The following NINJ2 variants were observed in gnomAD, a reference collection of about 807,000 sequenced individuals.
The protein encoded by NINJ2 is ninjurin-2.
A neutral mutation model predicts 11.7 loss-of-function variants in NINJ2; 12 were observed. The observed-to-expected ratio is 1.02, with a 90% CI of 0.66 to 1.66. The LOEUF is 1.66. NINJ2 is among the 40% of genes most tolerant of loss of function. NINJ2 has a pLI of 0.00. For missense variants in NINJ2, 187 were observed against 181.8 expected, an observed-to-expected ratio of 1.03 and a Z score of -0.16; for synonymous variants, 93 against 76.8, an observed-to-expected ratio of 1.21 and a Z score of -1.10.
intron 1 of NINJ2, among the ~76,000 whole-genome samples, chr12:616,711 C>A (rs768906698): frequency 7.2e-5 from 11 of 152,356 alleles, no homozygotes; most frequent in African/African-American, 2.6e-4. Flanking sequence ...TGAGTGGTGT[C>A]AGGAAACTGC....
At chr12:576,386 A>G (rs972611078) in intron 1 of NINJ2, among the ~76,000 whole-genome samples, 2 of 152,248 alleles carry the variant, frequency 1.3e-5, no homozygotes, top group African/African-American at 2.4e-5. Flanking sequence ...GTTTCTCTCC[A>G]ACAAAAGGGG....
At chr12:565,499 C>T (rs1198363106) in intron 2 of NINJ2, 98 bp from the exon 3 acceptor site, 11 of 1,254,962 alleles carry the variant, frequency 8.8e-6, no homozygotes, top group Non-Finnish European at 1.2e-5. Flanking sequence ...AGGGGCCCTT[C>T]AGAAACCCAT....
chr12:646,525 C>G (rs960096796), intron 1 of NINJ2, among the ~76,000 whole-genome samples: 2 of 152,156 alleles, frequency 1.3e-5, no homozygotes, highest in Non-Finnish European at 2.9e-5. Context: ...CATTAAATTA[C>G]GTAGATCACC....
intron 1 of NINJ2, among the ~76,000 whole-genome samples, chr12:596,734 G>A (rs1304546211): frequency 6.6e-6 from 1 of 151,948 alleles, no homozygotes; most frequent in African/African-American, 2.4e-5. Flanking sequence ...ACCAGCCTGG[G>A]GGACATGGCA....
intron 1 of NINJ2, among the ~76,000 whole-genome samples, chr12:590,412 G>A (rs183567826): frequency 2.6e-5 from 4 of 152,334 alleles, no homozygotes; most frequent in African/African-American, 9.6e-5. Context: ...GAAAGGGAGG[G>A]GTGGAAGACG....
intron 1 of NINJ2, among the ~76,000 whole-genome samples, chr12:662,435 G>A (rs888728823): frequency 7.9e-5 from 11 of 138,978 alleles, no homozygotes; most frequent in African/African-American, 2.1e-4. Flanking sequence ...AGAGAGAGAC[G>A]CGTGCACATA....
At chr12:566,341 C>T (rs565216651) in intron 1 of NINJ2, among the ~76,000 whole-genome samples, 163 bp from the exon 2 acceptor site, 7 of 152,204 alleles carry the variant, frequency 4.6e-5, no homozygotes, top group East Asian at 3.9e-4. Flanking sequence ...AAGGGTTGGA[C>T]GAGAAAACCC....
chr12:629,278 G>A (rs1466419115), intron 1 of NINJ2, among the ~76,000 whole-genome samples: 1 of 152,206 alleles, frequency 6.6e-6, no homozygotes, highest in Non-Finnish European at 1.5e-5. Flanking sequence ...AAGCCGGAAG[G>A]ATGAACAGCT....
At chr12:650,849 G>A (rs185166302) in intron 1 of NINJ2, among the ~76,000 whole-genome samples, 28 of 152,258 alleles carry the variant, frequency 1.8e-4, no homozygotes, top group African/African-American at 6.5e-4. Context: ...CTGAAGAAAC[G>A]GAAAAATCAA....
chr12:647,546 C>T (rs1041929686), intron 1 of NINJ2, among the ~76,000 whole-genome samples: 8 of 152,322 alleles, frequency 5.3e-5, no homozygotes, highest in African/African-American at 9.6e-5. Flanking sequence ...CTGGCACCTG[C>T]TCCAACCTGG....
In NINJ2 at chr12:578,603, C is replaced by A. The variant is rs377608199; in HGVS notation, c.34-12425G>T. On this transcript the variant is annotated intron_variant, in intron 1 of 3. Transcript: ENST00000305108. ...AAAGTGCTGGGATTACAAGCATGAA[C>A]CACTACACCCGGCCGAGAGCACCCA... Among the ~76,000 whole-genome samples, 248 of 152,306 alleles carry A rather than the reference C, an allele frequency of 1.6e-3. 1 individual carries two copies. The highest frequency in any genetic ancestry group is 5.6e-3 in the African/African-American group (231 of 41,568).
At chr12:572,306 T>G (rs147169302) in intron 1 of NINJ2, among the ~76,000 whole-genome samples, 1,843 of 152,276 alleles carry the variant, frequency 0.012, 40 homozygotes, top group African/African-American at 0.042. Context: ...GCTTCCTGTG[T>G]GCCAGCGCAC....
intron 1 of NINJ2, among the ~76,000 whole-genome samples, chr12:577,859 G>A (rs1396860750): frequency 3.3e-5 from 5 of 151,950 alleles, no homozygotes; most frequent in African/African-American, 9.7e-5. Flanking sequence ...ACCAGGCCCC[G>A]AGATCACCCT....
At chr12:574,310 C>T (rs1041091970) in intron 1 of NINJ2, among the ~76,000 whole-genome samples, 2 of 151,986 alleles carry the variant, frequency 1.3e-5, no homozygotes, top group Non-Finnish European at 2.9e-5. Context: ...GGTGACAGAG[C>T]GAGACTCCAT....
chr12:598,494 C>T (rs12369411), intron 1 of NINJ2, among the ~76,000 whole-genome samples: 54,163 of 151,896 alleles, frequency 0.36, 10,286 homozygotes, highest in African/African-American at 0.49. Flanking sequence ...AGGCCACTTT[C>T]GAAGGAGCTC....
At chr12:650,456 TTGGGA>T (rs935257260) in intron 1 of NINJ2, among the ~76,000 whole-genome samples, 3 of 152,192 alleles carry the variant, frequency 2.0e-5, no homozygotes, top group Admixed American at 2.0e-4. Flanking sequence ...TCCCATCACT[TTGGGA>T]AGCCAAGGCT....
At position 581,635 on chromosome 12, in the gene NINJ2, A is replaced by G. The variant is rs1947557148; in HGVS notation, c.34-15457T>C. On this transcript the variant is annotated intron_variant, in intron 1 of 3. Coordinates refer to ENST00000305108, the MANE Select transcript of NINJ2 (RefSeq NM_016533.6). This position sits in a 1 kb window ranked among gnomAD's most constrained non-coding sequence, Gnocchi z 4.9. ...GAGCAGCAGCTCTGTGAAGGGGGCC[A>G]GGGTCTGCTCTGGGGAGAAGGTAAG... Among the ~76,000 whole-genome samples, 1 of 152,172 alleles carries G rather than the reference A, an allele frequency of 6.6e-6. No homozygotes were observed. Among genetic ancestry groups the G allele is most frequent in the South Asian group, 2.1e-4 (1 of 4,822 alleles).
At chr12:570,117 A>T (rs773204590) in intron 1 of NINJ2, among the ~76,000 whole-genome samples, 67 of 152,328 alleles carry the variant, frequency 4.4e-4, no homozygotes, top group Non-Finnish European at 8.8e-5. Flanking sequence ...GTCAAGCCAG[A>T]GTTCGAGAAT....
intron 1 of NINJ2, among the ~76,000 whole-genome samples, chr12:601,747 T>C (rs1947877202): frequency 6.6e-6 from 1 of 151,776 alleles, no homozygotes; most frequent in African/African-American, 2.4e-5. Context: ...GTGCCTGTAA[T>C]CCCAGCTACT....
Sources: gnomAD v4.1 joint callset for allele counts (sites outside exome capture counted in the v4.1 genomes callset) on GRCh38, gnomAD v4.1.1 for gene constraint, Gnocchi (gnomAD v3.1) non-coding constraint, MANE v1.5 for transcripts, NCBI Gene and HGNC (gene_info 2026-07-23, HGNC 2026-07-21) for gene names.